The following IHH variants were observed in gnomAD, a reference collection of about 807,000 sequenced individuals.
IHH encodes indian hedgehog protein.
A neutral mutation model predicts 29.4 loss-of-function variants in IHH; 9 were observed. The observed-to-expected ratio is 0.31, with a 90% CI of 0.18 to 0.53. The LOEUF (loss-of-function observed/expected upper bound fraction) is 0.53. Ranked by LOEUF, IHH falls within the 20% of genes least tolerant of loss-of-function variation. IHH has a pLI of 0.95. For synonymous variants in IHH, 254 were observed against 252.7 expected (o/e 1.01, Z -0.05); for missense variants, 454 against 578.1 (o/e 0.79, Z 2.20).
In IHH at chr2:219,060,270, G is replaced by C. The variant is rs1948869055; in HGVS notation, c.198C>G (p.Arg66=). ...AGCTGCGAGCGATCTTGCCTTCATA[G>C]CGTCCGCTGGCGCCCAGGGTCTTCT... ...VPEKTLGASG[R]YEGKIARSSE... is the part of the protein sequence containing the mutation. Residue 66 remains arginine (R), a synonymous_variant, in exon 1 of 3, where the codon CGC becomes CGG. Coordinates refer to ENST00000295731, the MANE Select transcript of IHH (RefSeq NM_002181.4). The surrounding 1 kb of genome is among the most constrained non-coding windows in gnomAD (Gnocchi z 8.8). The C allele has an allele frequency of 6.2e-7, 1 of 1,613,596 alleles. No homozygotes were observed. Among genetic ancestry groups the C allele is most frequent in the South Asian group, 1.1e-5 (1 of 91,080 alleles).
intron 2 of IHH, 28 bp downstream of exon 2, chr2:219,057,405 C>CG: frequency 6.4e-7 from 1 of 1,553,072 alleles, no homozygotes; most frequent in East Asian, 2.4e-5. Flanking sequence ...GCCCCGGCCC[C>CG]GGGCCCAGCC....
rs199782343 is a variant in IHH, at chr2:219,055,450, C to T, written c.993G>A (p.Pro331=). 47 of 1,611,892 alleles carry T rather than the reference C, an allele frequency of 2.9e-5. No homozygotes were observed. Among genetic ancestry groups the T allele is most frequent in the East Asian group, 2.0e-4 (9 of 44,842 alleles). The change falls in exon 3 of 3, where the codon CCG becomes CCA. Residue 331 remains proline (P), a synonymous_variant. Transcript: ENST00000295731. ...STHVALGAYA[P]LTKHGTLVVE... ...CCACCAGTGTCCCATGCTTTGTGAG[C>T]GGGGCGTAGGCCCCGAGGGCCACGT...
rs959115552 is a variant in IHH at position 219,060,895 on chromosome 2, C to A, written c.-428G>T. On this transcript the variant is annotated 5_prime_UTR_variant, in exon 1 of 3. Coordinates refer to ENST00000295731, the MANE Select transcript of IHH (RefSeq NM_002181.4). The surrounding 1 kb of genome is among the most constrained non-coding windows in gnomAD (Gnocchi z 8.8). ...GCTCGGGCGGAGCGGGAGCTGCTGC[C>A]GTCTGCGGCGCAGCCCGGGGCCGAG... Among the ~76,000 whole-genome samples the A allele has an allele frequency of 5.3e-5, 8 of 150,854 alleles. No homozygotes were observed. Among genetic ancestry groups the A allele is most frequent in the African/African-American group, 1.9e-4 (8 of 41,370 alleles).
At chr2:219,057,382 C>CGGCACTACT in intron 2 of IHH, 51 bp downstream of exon 2, 2 of 1,547,310 alleles carry the variant, frequency 1.3e-6, no homozygotes, top group South Asian at 2.4e-5. Context: ...ACTCCTCCTG[C>CGGCACTACT]CCATGCCCTG....
chr2:219,056,366 G>A (rs1483837998), intron 2 of IHH, among the ~76,000 whole-genome samples: 1 of 152,132 alleles, frequency 6.6e-6, no homozygotes, highest in Non-Finnish European at 1.5e-5. Context: ...TGAATGTTTG[G>A]GTCAGGGGCA....
Position 219,055,565 on chromosome 2 carries a change from G to C in IHH, c.878C>G (p.Thr293Arg). 6.2e-7 allele frequency: 1 copy of C among 1,612,994 alleles called. No homozygotes were observed. The highest frequency in any genetic ancestry group is 8.5e-7 in the Non-Finnish European group (1 of 1,179,834). The stretch of plus-strand genomic sequence containing the variant: ...GCCAGGCTGCACGTGGCTGGCAAAT[G>C]TGGCCCGGAAGCGGGCTGCCGGCTC... ...HTEPAARFRA[T>R]FASHVQPGQY... The change falls in exon 3 of 3, where the codon ACA (threonine) becomes AGA (arginine). Residue 293 changes from threonine (T) to arginine (R), a missense_variant. Physicochemically the swap from Thr to Arg is moderately conservative, Grantham distance 71. This residue lies in a region of IHH where 271 missense variants were observed against 315.9 expected (regional missense o/e 0.86). Transcript: ENST00000295731.
In IHH at chr2:219,060,769, G is replaced by A. The variant is rs1413153392; in HGVS notation, c.-302C>T. Reference sequence around the variant, plus strand: ...TTTGGCAACGCGGCGGCGGCGGGGGGCGGCGGGCGGCGGGGCTGCGGGCCG... The same window carrying A: ...TTTGGCAACGCGGCGGCGGCGGGGGACGGCGGGCGGCGGGGCTGCGGGCCG... On this transcript the variant is annotated 5_prime_UTR_variant, in exon 1 of 3. Transcript: ENST00000295731. The surrounding 1 kb of genome is among the most constrained non-coding windows in gnomAD (Gnocchi z 8.8). Among the ~76,000 whole-genome samples, 1 of 147,378 alleles carries A rather than the reference G, an allele frequency of 6.8e-6. No individual in the cohort carries two copies. The highest frequency in any genetic ancestry group is 2.0e-4 in the East Asian group (1 of 5,086).
At chr2:219,056,942 CA>C (rs1290207355) in intron 2 of IHH, among the ~76,000 whole-genome samples, 1 of 152,232 alleles carries the variant, frequency 6.6e-6, no homozygotes, top group African/African-American at 2.4e-5. Context: ...CTTCAGGGCA[CA>C]GGGGGAGAGG....
chr2:219,058,536 C>T (rs967543484), intron 1 of IHH, among the ~76,000 whole-genome samples: 4 of 152,324 alleles, frequency 2.6e-5, no homozygotes, highest in Non-Finnish European at 5.9e-5. Context: ...ATAAACCAAG[C>T]TTCTGATCTC....
Position 219,060,144 on chromosome 2 carries a change from C to G in IHH, c.315+9G>C. ...GTGGCGGCGCGCTGGTAGGGCGGAT[C>G]GCGCTCACCTGGGTCATGAGGCGGT... On this transcript the variant is annotated intron_variant, in intron 1 of 2. Transcript: ENST00000295731. The surrounding 1 kb of genome is among the most constrained non-coding windows in gnomAD (Gnocchi z 8.8). The G allele has an allele frequency of 6.3e-7, 1 of 1,599,328 alleles. No individual in the cohort carries two copies. Among genetic ancestry groups the G allele is most frequent in the Non-Finnish European group, 8.5e-7 (1 of 1,171,290 alleles).
chr2:219,055,103 GCCAGTGTCC>G lies in IHH; in HGVS notation c.*95_*103del. 1 of 1,213,764 alleles carries G rather than the reference GCCAGTGTCC, an allele frequency of 8.2e-7. No individual in the cohort carries two copies. The highest frequency in any genetic ancestry group is 1.2e-6 in the Non-Finnish European group (1 of 854,362). 75.2% of individuals were successfully genotyped at this position (1,213,764 alleles called of 1,614,324 possible). ...CTTCATGGCAGAGGAGATGGCAGGA[GCCAGTGTCC>G]CCCAGCTCAGGTCCCTTCCAGGGCC... On this transcript the variant is annotated 3_prime_UTR_variant, in exon 3 of 3. Coordinates refer to ENST00000295731, the MANE Select transcript of IHH (RefSeq NM_002181.4).
At chr2:219,058,239 C>T (rs1948847962) in intron 1 of IHH, among the ~76,000 whole-genome samples, 1 of 152,152 alleles carries the variant, frequency 6.6e-6, no homozygotes, top group African/African-American at 2.4e-5. Context: ...TGCAGAGCGT[C>T]TCGGTAGCTT....
rs773814022 is a variant in IHH, at chr2:219,055,305, C to A, written c.1138G>T (p.Gly380Cys). 1 of 1,612,846 alleles carries A rather than the reference C, an allele frequency of 6.2e-7. No individual in the cohort carries two copies. The highest frequency in any genetic ancestry group is 8.5e-7 in the Non-Finnish European group (1 of 1,179,802). The change falls in exon 3 of 3, where the codon GGT becomes TGT. Residue 380 changes from glycine (G) to cysteine (C), a missense_variant. Physicochemically the swap from Gly to Cys is radical, Grantham distance 159. This residue lies in a region of IHH where 271 missense variants were observed against 315.9 expected (regional missense o/e 0.86). Transcript: ENST00000295731. ...AGCAGCTGGGGGTACCAATGCACAC[C>A]CTCCCCCGGAGTCCAGCTGCCCCAT... ...LAWGSWTPGEGVHWYPQLLYR... is the reference protein window; with the variant it reads ...LAWGSWTPGECVHWYPQLLYR...
At chr2:219,058,067 C>G (rs1226321797) in intron 1 of IHH, among the ~76,000 whole-genome samples, 1 of 152,236 alleles carries the variant, frequency 6.6e-6, no homozygotes, top group African/African-American at 2.4e-5. Flanking sequence ...CTCTGTGCCT[C>G]CAAGGCAGGA....
Position 219,055,648 on chromosome 2 carries a change from G to A in IHH, c.795C>T (p.Pro265=). The part of the protein sequence containing the change: ...RAFQVIETQD[P]PRRLALTPAH... Reference sequence around the variant, plus strand: ...CGGGTGTGAGTGCCAGGCGGCGTGGGGGGTCCTGAGTCTCGATGACCTGGA... The same window carrying A: ...CGGGTGTGAGTGCCAGGCGGCGTGGAGGGTCCTGAGTCTCGATGACCTGGA... Residue 265 remains proline, a synonymous_variant, in exon 3 of 3, where the codon CCC becomes CCT. Transcript: ENST00000295731. 6.2e-7 allele frequency: 1 copy of A among 1,614,074 alleles called. No homozygotes were observed. Among genetic ancestry groups the A allele is most frequent in the Non-Finnish European group, 8.5e-7 (1 of 1,179,982 alleles).
rs1948857514 is a variant in IHH, at chr2:219,059,129, C to A, written c.315+1024G>T. On this transcript the variant is annotated intron_variant, in intron 1 of 2. Transcript: ENST00000295731. This position sits in a 1 kb window ranked among gnomAD's most constrained non-coding sequence, Gnocchi z 4.7. ...GGATCCTTATCTGCATTCCTCGGCG[C>A]CCGGCCCGGCCCGGCCACCAGCCAA... Among the ~76,000 whole-genome samples, 1 of 152,188 alleles carries A rather than the reference C, an allele frequency of 6.6e-6. No individual in the cohort carries two copies. The highest frequency in any genetic ancestry group is 1.5e-5 in the Non-Finnish European group (1 of 68,030).
chr2:219,055,608 T>C lies in IHH; in HGVS notation c.835A>G (p.Thr279Ala). 6.2e-7 allele frequency: 1 copy of C among 1,613,828 alleles called. No homozygotes were observed. Among genetic ancestry groups the C allele is most frequent in the Non-Finnish European group, 8.5e-7 (1 of 1,179,942 alleles). ...LALTPAHLLF[T>A]ADNHTEPAAR... is the part of the protein sequence containing the mutation. ...GCCGGCTCCGTGTGATTGTCAGCCG[T>C]AAAGAGCAGGTGAGCGGGTGTGAGT... is the stretch of plus-strand genomic sequence containing the variant. Residue 279 changes from threonine to alanine, a missense_variant, in exon 3 of 3, where the codon ACG (threonine) becomes GCG (alanine). Around this residue, in one of 3 missense-constraint regions of IHH, gnomAD observed 271 missense variants for 315.9 expected, o/e 0.86. Coordinates refer to ENST00000295731, the MANE Select transcript of IHH (RefSeq NM_002181.4).
rs774137730 is a variant in IHH, at chr2:219,055,668, C to A, written c.775G>T (p.Val259Phe). The change falls in exon 3 of 3, where the codon GTC (valine) becomes TTC (phenylalanine). Residue 259 changes from valine to phenylalanine, a missense_variant. Physicochemically the swap from Val to Phe is conservative, Grantham distance 50. Transcript: ENST00000295731. ...REPHRLRAFQ[V>F]IETQDPPRRL... ...CGTGGGGGGTCCTGAGTCTCGATGA[C>A]CTGGAAGGCTCTCAGCCTGTGAGGC... The A allele has an allele frequency of 6.2e-7, 1 of 1,614,046 alleles. No individual in the cohort carries two copies. Among genetic ancestry groups the A allele is most frequent in the Non-Finnish European group, 8.5e-7 (1 of 1,179,964 alleles).
chr2:219,056,188 C>T (rs980884681), intron 2 of IHH, among the ~76,000 whole-genome samples: 14 of 152,202 alleles, frequency 9.2e-5, no homozygotes, highest in East Asian at 1.9e-4. Flanking sequence ...TTAGCTCCTC[C>T]GAGGCCTAGA....
Sources: allele counts gnomAD v4.1 joint callset (sites outside exome capture counted in the v4.1 genomes callset), GRCh38; gene constraint gnomAD v4.1.1; regional missense constraint gnomAD v4.1.1; non-coding constraint Gnocchi (gnomAD v3.1); transcripts MANE v1.5; gene names NCBI Gene and HGNC (gene_info 2026-07-23, HGNC 2026-07-21).